ATP5MC3: variants seen among roughly 807,000 people sequenced by gnomAD.
ATP5MC3 encodes ATP synthase F(0) complex subunit C3, mitochondrial.
In ATP5MC3, 6 loss-of-function variants were observed where a neutral mutation model predicts 15.6. That is an observed-to-expected ratio of 0.38 (90% CI 0.21 to 0.76). ATP5MC3 has a LOEUF of 0.76. ATP5MC3 is among the 30% of genes least tolerant of loss of function. The pLI is 0.44. For synonymous variants in ATP5MC3, 66 were observed against 63.3 expected (o/e 1.04, Z -0.20); for missense variants, 132 against 171.2 (o/e 0.77, Z 1.28).
At chr2:175,181,331 C>T in intron 2 of ATP5MC3, 24 bp downstream of exon 2, 1 of 1,611,460 alleles carries the variant, frequency 6.2e-7, no homozygotes, top group Non-Finnish European at 8.5e-7. Context: ...CCTCAATCCC[C>T]CCGACCCTGC....
chr2:175,181,347 C>A lies in ATP5MC3; in HGVS notation c.39+8G>T. 6.2e-7 allele frequency: 1 copy of A among 1,613,410 alleles called. No individual in the cohort carries two copies. Among genetic ancestry groups the A allele is most frequent in the Non-Finnish European group, 8.5e-7 (1 of 1,179,716 alleles). ...CTCAATCCCCCCGACCCTGCCTGGG[C>A]TACGCACCAGAGAGGGGGTGCAGGC... On this transcript the variant is annotated splice_region_variant and intron_variant, in intron 2 of 4. Coordinates refer to ENST00000284727, the MANE Select transcript of ATP5MC3 (RefSeq NM_001689.5).
chr2:175,180,633 A>T (rs1321467134), intron 2 of ATP5MC3, among the ~76,000 whole-genome samples: 2 of 152,180 alleles, frequency 1.3e-5, no homozygotes, highest in African/African-American at 2.4e-5. Flanking sequence ...ATAAAAAAAA[A>T]TTTCTAAAAA....
chr2:175,181,097 T>C (rs1187437125), intron 2 of ATP5MC3, among the ~76,000 whole-genome samples: 1 of 152,122 alleles, frequency 6.6e-6, no homozygotes, highest in Non-Finnish European at 1.5e-5. Flanking sequence ...ACTCCTGGTC[T>C]AGGGACCAGA....
intron 3 of ATP5MC3, chr2:175,179,586 T>C: frequency 4.6e-6 from 1 of 218,864 alleles, no homozygotes; most frequent in Non-Finnish European, 8.9e-6. Context: ...TAGCTCACTA[T>C]AGCCTTGAAC....
intron 3 of ATP5MC3, 175 bp downstream of exon 3, chr2:175,179,923 G>A (rs559291195): frequency 8.3e-5 from 44 of 528,618 alleles, no homozygotes; most frequent in Middle Eastern, 4.7e-4. Flanking sequence ...TTCTCTATTC[G>A]TCTCATCTAG....
At chr2:175,180,362 T>G (rs1310254938) in intron 2 of ATP5MC3, among the ~76,000 whole-genome samples, 184 bp from the exon 3 acceptor site, 1 of 152,234 alleles carries the variant, frequency 6.6e-6, no homozygotes, top group Non-Finnish European at 1.5e-5. Context: ...AGTTTCATGC[T>G]AATGAAATTG....
intron 4 of ATP5MC3, chr2:175,178,818 T>C (rs1326877041): frequency 1.8e-6 from 2 of 1,120,320 alleles, no homozygotes; most frequent in Non-Finnish European, 2.3e-6. Flanking sequence ...TTCTGACATT[T>C]ACTAGCTATG....
In ATP5MC3 at chr2:175,176,438, A is replaced by G. The variant is rs1266606578; in HGVS notation, c.*1850T>C. The stretch of plus-strand genomic sequence containing the variant: ...AGTGTACAATTCAGTGACATTTATT[A>G]TATTTACAATGTTGTGCAACCATCA... On this transcript the variant is annotated 3_prime_UTR_variant, in exon 5 of 5. Coordinates refer to ENST00000284727, the MANE Select transcript of ATP5MC3 (RefSeq NM_001689.5). 6.6e-6 allele frequency: 1 copy of G among 152,196 alleles called. No homozygotes were observed. Among genetic ancestry groups the G allele is most frequent in the Admixed American group, 6.5e-5 (1 of 15,282 alleles). 9.4% of individuals were successfully genotyped at this position (152,196 alleles called of 1,614,324 possible). A position where few individuals can be genotyped will look rare whatever the true frequency, so the allele number is the denominator to read the frequency against.
intron 3 of ATP5MC3, 78 bp from the exon 4 acceptor site, chr2:175,179,328 AATG>A (rs1274215173): frequency 1.1e-5 from 16 of 1,468,588 alleles, no homozygotes; most frequent in East Asian, 2.3e-5. Context: ...ATATTGTCAA[AATG>A]ATAACTACTT....
chr2:175,181,299 G>A, intron 2 of ATP5MC3, 56 bp downstream of exon 2: 2 of 1,581,252 alleles, frequency 1.3e-6, no homozygotes, highest in African/African-American at 1.4e-5. Context: ...CAACGTGGAC[G>A]CTCTAGGCCA....
At chr2:175,178,960 G>C (rs1406720919) in intron 4 of ATP5MC3, 97 bp downstream of exon 4, 2 of 1,512,776 alleles carry the variant, frequency 1.3e-6, no homozygotes, top group Non-Finnish European at 1.8e-6. Context: ...GCAAGACACA[G>C]AGTAAGCACT....
chr2:175,180,464 T>C (rs1700753388), intron 2 of ATP5MC3, among the ~76,000 whole-genome samples: 1 of 152,186 alleles, frequency 6.6e-6, no homozygotes, highest in Non-Finnish European at 1.5e-5. Context: ...GTGCCGTAAG[T>C]CAAGTCAGAA....
chr2:175,179,941 G>T, intron 3 of ATP5MC3, 157 bp downstream of exon 3: 2 of 563,074 alleles, frequency 3.6e-6, no homozygotes, highest in Non-Finnish European at 3.0e-6. Context: ...TAGTTTTTTG[G>T]CTATTTTTGG....
chr2:175,178,912 T>G (rs1700726829), intron 4 of ATP5MC3, 145 bp downstream of exon 4: 1 of 1,307,800 alleles, frequency 7.6e-7, no homozygotes, highest in African/African-American at 1.5e-5. Context: ...TTATGAGAAT[T>G]AAGTGAGATA....
At position 175,181,438 on chromosome 2, in the gene ATP5MC3, G is replaced by T. The variant is rs563242795; in HGVS notation, c.-45C>A. On this transcript the variant is annotated 5_prime_UTR_variant, in exon 2 of 5. Transcript: ENST00000284727. Reference sequence around the variant, plus strand: ...CGCGGCTGGAGATATTGGGTGACAGGCGACGTGGGCTCCTCTCCCGCTTCC... The same window carrying T: ...CGCGGCTGGAGATATTGGGTGACAGTCGACGTGGGCTCCTCTCCCGCTTCC... The T allele has an allele frequency of 3.1e-6, 5 of 1,610,490 alleles. No homozygotes were observed. In the Admixed American group the frequency reaches 6.7e-5, roughly 22 times the overall value.
In ATP5MC3 at chr2:175,176,416, G is replaced by A. The variant is rs1020927379; in HGVS notation, c.*1872C>T. ...TTTGCCATTTTAACCACCTTAAAGT[G>A]TACAATTCAGTGACATTTATTATAT... is the stretch of plus-strand genomic sequence containing the variant. On this transcript the variant is annotated 3_prime_UTR_variant, in exon 5 of 5. Transcript: ENST00000284727. 1 of 152,110 alleles carries A rather than the reference G, an allele frequency of 6.6e-6. No homozygotes were observed. Among genetic ancestry groups the A allele is most frequent in the South Asian group, 2.1e-4 (1 of 4,818 alleles). 9.4% of individuals were successfully genotyped at this position (152,110 alleles called of 1,614,324 possible).
chr2:175,179,286 G>A (rs1361840108), intron 3 of ATP5MC3, 36 bp from the exon 4 acceptor site: 2 of 1,552,058 alleles, frequency 1.3e-6, no homozygotes, highest in African/African-American at 1.4e-5. Context: ...GGTCGTATCA[G>A]TAACCACAGG....
intron 4 of ATP5MC3, chr2:175,178,782 G>T: frequency 8.7e-7 from 1 of 1,155,772 alleles, no homozygotes; most frequent in Non-Finnish European, 1.1e-6. Context: ...TGCAGACTCT[G>T]AAGTCAGACT....
chr2:175,179,316 C>A, intron 3 of ATP5MC3, 66 bp from the exon 4 acceptor site: 1 of 1,500,382 alleles, frequency 6.7e-7, no homozygotes, highest in African/African-American at 1.4e-5. Flanking sequence ...TAATTAAATA[C>A]CATATTGTCA....
Sources: gnomAD v4.1 joint callset for allele counts (sites outside exome capture counted in the v4.1 genomes callset) on GRCh38, gnomAD v4.1.1 for gene constraint, MANE v1.5 for transcripts, NCBI Gene and HGNC (gene_info 2026-07-23, HGNC 2026-07-21) for gene names.